Variants in ANK3 observed in about 807,000 individuals in gnomAD.
The protein encoded by ANK3 is ankyrin 3.
In ANK3, 57 loss-of-function variants were observed where a neutral mutation model predicts 370.9. That is an observed-to-expected ratio of 0.15 (90% CI 0.12 to 0.19). The LOEUF (loss-of-function observed/expected upper bound fraction) is 0.19, where lower values mean the gene tolerates loss of function less well. Ranked by LOEUF, ANK3 falls within the 10% of genes least tolerant of loss-of-function variation. ANK3 has a pLI of 1.00. For synonymous variants in ANK3, 1,929 were observed against 1,946.3 expected (o/e 0.99, Z 0.23); for missense variants, 4,439 against 5,302.1 (o/e 0.84, Z 5.06).
At chr10:60,466,143 T>C (rs191373582) in intron 2 of ANK3, among the ~76,000 whole-genome samples, 4 of 152,210 alleles carry the variant, frequency 2.6e-5, no homozygotes, top group African/African-American at 9.6e-5. Flanking sequence ...GAAAAACGGG[T>C]ATAGAAAATA....
At position 60,565,637 on chromosome 10, in the gene ANK3, T is replaced by C. The variant is rs114698853; in HGVS notation, c.96+49549A>G. The stretch of plus-strand genomic sequence containing the variant: ...CTCTATAGTCCAAATATACAAACCA[T>C]TGCTTAGATTCATAAGCTTACACCA... On this transcript the variant is annotated intron_variant, in intron 2 of 43. Coordinates refer to the ANK3 transcript ENST00000373827. 3.5e-3 allele frequency among the ~76,000 whole-genome samples: 535 copies of C among 152,288 alleles called. 5 individuals carry two copies. The highest frequency in any genetic ancestry group is 0.012 in the African/African-American group (510 of 41,562).
chr10:60,627,961 A>C (rs1385486241), intron 1 of ANK3, among the ~76,000 whole-genome samples: 1 of 152,184 alleles, frequency 6.6e-6, no homozygotes, highest in African/African-American at 2.4e-5. Context: ...ATTCATGCCC[A>C]GGGAGTCTAA....
At chr10:60,548,722 T>C (rs1258503585) in intron 2 of ANK3, among the ~76,000 whole-genome samples, 8 of 152,158 alleles carry the variant, frequency 5.3e-5, no homozygotes, top group African/African-American at 1.7e-4. Context: ...TACTATAGTA[T>C]AGGATTATTA....
At chr10:60,094,981 A>G (rs2089783737) in intron 28 of ANK3, among the ~76,000 whole-genome samples, 1 of 152,238 alleles carries the variant, frequency 6.6e-6, no homozygotes, top group Admixed American at 6.5e-5. Flanking sequence ...TGGAAAATAG[A>G]GAACGAAATC....
intron 2 of ANK3, among the ~76,000 whole-genome samples, chr10:60,479,418 C>A (rs773768513): frequency 1.3e-5 from 2 of 151,866 alleles, no homozygotes; most frequent in African/African-American, 4.8e-5. Flanking sequence ...TAGGCTATAC[C>A]ATCTGGGTGT....
Position 60,356,579 on chromosome 10 carries a change from A to G in ANK3, c.114+32846T>C, listed in dbSNP as rs371990550. ...ACACTTGCACATTGGCCCCAGCTAAATGCTTTGGACTCTATTGGATTGCCA... is the reference window on the plus strand; with the variant it reads ...ACACTTGCACATTGGCCCCAGCTAAGTGCTTTGGACTCTATTGGATTGCCA... On this transcript the variant is annotated intron_variant, in intron 1 of 43. Transcript: ENST00000280772. Among the ~76,000 whole-genome samples, 793 of 152,294 alleles carry G rather than the reference A, an allele frequency of 5.2e-3. 7 individuals carry two copies. The highest frequency in any genetic ancestry group is 0.018 in the African/African-American group (767 of 41,564).
chr10:60,297,736 C>A (rs1194789518), intron 1 of ANK3, among the ~76,000 whole-genome samples: 2 of 151,978 alleles, frequency 1.3e-5, no homozygotes, highest in Non-Finnish European at 1.5e-5. Context: ...TTATAACCGA[C>A]CTGAGGTAGC....
intron 2 of ANK3, among the ~76,000 whole-genome samples, chr10:60,414,455 C>T (rs1027821159): frequency 2.0e-5 from 3 of 152,060 alleles, no homozygotes; most frequent in African/African-American, 7.2e-5. Flanking sequence ...GAACACAAGG[C>T]GTATCCACAA....
chr10:60,532,129 T>C (rs1413988622), intron 2 of ANK3, among the ~76,000 whole-genome samples: 1 of 152,182 alleles, frequency 6.6e-6, no homozygotes, highest in East Asian at 1.9e-4. Flanking sequence ...AACCTCTTTC[T>C]AAAATCAAAA....
At chr10:60,261,795 G>A in intron 7 of ANK3, 64 bp downstream of exon 7, 1 of 1,436,420 alleles carries the variant, frequency 7.0e-7, no homozygotes, top group Non-Finnish European at 9.7e-7. Context: ...TCCTCATGTT[G>A]GGGAAAGAGA....
At chr10:60,551,510 G>A (rs1481858583) in intron 2 of ANK3, among the ~76,000 whole-genome samples, 5 of 152,064 alleles carry the variant, frequency 3.3e-5, no homozygotes, top group African/African-American at 4.8e-5. Flanking sequence ...ATACTATTAA[G>A]TTTCTTATTT....
intron 1 of ANK3, among the ~76,000 whole-genome samples, chr10:60,653,598 C>T (rs2078822021): frequency 6.6e-6 from 1 of 152,058 alleles, no homozygotes. Context: ...GGCTGGGCGT[C>T]GTGGCTTATG....
chr10:60,383,941 T>C (rs2061897149), intron 1 of ANK3, among the ~76,000 whole-genome samples: 1 of 152,176 alleles, frequency 6.6e-6, no homozygotes, highest in African/African-American at 2.4e-5. Flanking sequence ...CAAACCCTTA[T>C]ATTGTGGCTG....
intron 1 of ANK3, among the ~76,000 whole-genome samples, chr10:60,633,353 T>C (rs543409236): frequency 3.9e-5 from 6 of 152,342 alleles, no homozygotes; most frequent in Non-Finnish European, 5.9e-5. Flanking sequence ...TCCTTAAAGT[T>C]ATTTTTAAGT....
intron 12 of ANK3, among the ~76,000 whole-genome samples, chr10:60,200,857 A>G (rs1591643524): frequency 6.6e-6 from 1 of 152,202 alleles, no homozygotes; most frequent in South Asian, 2.1e-4. Flanking sequence ...GAACAGATCA[A>G]TATCTTAGTC....
At chr10:60,121,394 A>G (rs1316680149) in intron 25 of ANK3, among the ~76,000 whole-genome samples, 1 of 145,060 alleles carries the variant, frequency 6.9e-6, no homozygotes, top group Non-Finnish European at 1.5e-5. Flanking sequence ...AAAAAAAAAA[A>G]AGGAAGAATG....
At chr10:60,088,574 C>CA (rs1264180483) in intron 28 of ANK3, among the ~76,000 whole-genome samples, 2 of 152,072 alleles carry the variant, frequency 1.3e-5, no homozygotes, top group Non-Finnish European at 2.9e-5. Flanking sequence ...TACGGGCATG[C>CA]ACCTCCATGC....
At chr10:60,486,551 G>C (rs1464668119) in intron 2 of ANK3, among the ~76,000 whole-genome samples, 1 of 152,186 alleles carries the variant, frequency 6.6e-6, no homozygotes, top group Non-Finnish European at 1.5e-5. Flanking sequence ...CTGCACTGCA[G>C]CCTGGGTAGC....
intron 4 of ANK3, among the ~76,000 whole-genome samples, chr10:60,275,765 C>G (rs550139845): frequency 1.3e-5 from 2 of 152,236 alleles, no homozygotes; most frequent in East Asian, 3.9e-4. Flanking sequence ...AATCTGTTCA[C>G]TAAAAATACT....
Sources: allele counts gnomAD v4.1 joint callset (sites outside exome capture counted in the v4.1 genomes callset), GRCh38; gene constraint gnomAD v4.1.1; transcripts MANE v1.5; gene names NCBI Gene and HGNC (gene_info 2026-07-23, HGNC 2026-07-21).